KMT5A: variants seen among roughly 807,000 people sequenced by gnomAD.
KMT5A encodes N-lysine methyltransferase KMT5A.
A neutral mutation model predicts 40.6 loss-of-function variants in KMT5A; 6 were observed. The observed-to-expected ratio is 0.15, with a 90% CI of 0.08 to 0.29. The LOEUF is 0.29. KMT5A is among the 10% of genes least tolerant of loss of function. The pLI is 1.00. For synonymous variants in KMT5A, 153 were observed against 178.8 expected (o/e 0.86, Z 1.15); for missense variants, 308 against 459.1 (o/e 0.67, Z 3.01).
intron 1 of KMT5A, among the ~76,000 whole-genome samples, chr12:123,385,907 C>T (rs1876846962): frequency 6.6e-6 from 1 of 152,102 alleles, no homozygotes; most frequent in Non-Finnish European, 1.5e-5. Context: ...GAGGGCCAGG[C>T]ACTTTATTAA....
intron 5 of KMT5A, among the ~76,000 whole-genome samples, chr12:123,396,735 G>A (rs1877757346): frequency 6.6e-6 from 1 of 152,192 alleles, no homozygotes; most frequent in Admixed American, 6.5e-5. Context: ...AGGACTTGTT[G>A]GCAGAGCCAT....
chr12:123,401,421 A>T (rs28862317), intron 5 of KMT5A, among the ~76,000 whole-genome samples: 144,406 of 151,646 alleles, frequency 0.95, 68,902 homozygotes, highest in Non-Finnish European at 0.96. Flanking sequence ...GTGCTGGGAT[A>T]ACAGGTGTAT....
At position 123,408,760 on chromosome 12, in the gene KMT5A, GTCC is replaced by G. The variant is rs1330117683; in HGVS notation, c.*1062_*1064del. The G allele has an allele frequency of 2.0e-5, 3 of 152,496 alleles. No individual in the cohort carries two copies. The highest frequency in any genetic ancestry group is 7.2e-5 in the African/African-American group (3 of 41,424). 9.4% of individuals were successfully genotyped at this position (152,496 alleles called of 1,614,324 possible). ...GCCTTGTGTTTGTCAGACACCCAGT[GTCC>G]TCCTGCAAGGACGCAACTGTGAGCT... is the stretch of plus-strand genomic sequence containing the variant. On this transcript the variant is annotated 3_prime_UTR_variant, in exon 8 of 8. Transcript: ENST00000402868.
rs984789835 is a variant in KMT5A, at chr12:123,409,014, C to T, written c.*1311C>T. On this transcript the variant is annotated 3_prime_UTR_variant, in exon 8 of 8. Coordinates refer to ENST00000402868, the MANE Select transcript of KMT5A (RefSeq NM_020382.7). ...ACACTGTCCCTTCAGTCCAGGGGGC[C>T]GGGGCTCAGGAGCCATGACCTGGTG... 7.9e-5 allele frequency: 12 copies of T among 152,622 alleles called. No individual in the cohort carries two copies. The highest frequency in any genetic ancestry group is 2.9e-4 in the African/African-American group (12 of 41,442). The allele number at this position is 152,622 out of a possible 1,614,324, so 9.5% of individuals were successfully genotyped here. A position where few individuals can be genotyped will look rare whatever the true frequency, so the allele number is the denominator to read the frequency against.
chr12:123,389,230 C>G, intron 1 of KMT5A: 2 of 137,922 alleles, frequency 1.5e-5, no homozygotes, highest in Non-Finnish European at 3.1e-5. Flanking sequence ...GCGCGCGGGG[C>G]CTGGCCGGGC....
chr12:123,408,890 C>G lies in KMT5A; in HGVS notation c.*1187C>G, dbSNP rs546229713. The G allele has an allele frequency of 3.9e-5, 6 of 152,666 alleles. No individual in the cohort carries two copies. The East Asian group carries it at 1.2e-3, about 29-fold the overall frequency. 9.5% of individuals were successfully genotyped at this position (152,666 alleles called of 1,614,324 possible). A position where few individuals can be genotyped will look rare whatever the true frequency, so the allele number is the denominator to read the frequency against. ...GGGGAGCACACAGGGCCCGGCAGCC[C>G]CCAGGAATCAAGGATAGGGCTAAGG... On this transcript the variant is annotated 3_prime_UTR_variant, in exon 8 of 8. Coordinates refer to ENST00000402868, the MANE Select transcript of KMT5A (RefSeq NM_020382.7).
rs1448224696 is a variant in KMT5A, at chr12:123,408,866, G to C, written c.*1163G>C. On this transcript the variant is annotated 3_prime_UTR_variant, in exon 8 of 8. Coordinates refer to ENST00000402868, the MANE Select transcript of KMT5A (RefSeq NM_020382.7). Reference sequence around the variant, plus strand: ...CTCAGAAAGGCACCCAGGTGTGCAGGGGAGCACACAGGGCCCGGCAGCCCC... The same window carrying C: ...CTCAGAAAGGCACCCAGGTGTGCAGCGGAGCACACAGGGCCCGGCAGCCCC... The C allele has an allele frequency of 1.3e-5, 2 of 152,692 alleles. No homozygotes were observed. Among genetic ancestry groups the C allele is most frequent in the Admixed American group, 6.5e-5 (1 of 15,270 alleles). The allele number at this position is 152,692 out of a possible 1,614,324, so 9.5% of individuals were successfully genotyped here.
chr12:123,405,513 CT>C (rs57606754), intron 7 of KMT5A, among the ~76,000 whole-genome samples: 72,560 of 120,476 alleles, frequency 0.6, 23,362 homozygotes, highest in East Asian at 0.7. Flanking sequence ...TTATCGCCTG[CT>C]TCCTTTTTTT....
At chr12:123,389,627 G>T in intron 2 of KMT5A, 73 bp downstream of exon 2, 1 of 1,020,982 alleles carries the variant, frequency 9.8e-7, no homozygotes, top group Non-Finnish European at 1.2e-6. Context: ...GGGCGACCCC[G>T]GGTACCCGCC....
chr12:123,389,355 G>A, intron 1 of KMT5A, 78 bp from the exon 2 acceptor site: 2 of 933,230 alleles, frequency 2.1e-6, no homozygotes, highest in Non-Finnish European at 2.6e-6. Context: ...CGCGGCGCCC[G>A]GCCCGGGCGG....
chr12:123,390,772 A>G lies in KMT5A; in HGVS notation c.275A>G (p.Tyr92Cys). The G allele has an allele frequency of 6.2e-7, 1 of 1,613,958 alleles. No homozygotes were observed. Among genetic ancestry groups the G allele is most frequent in the Non-Finnish European group, 8.5e-7 (1 of 1,179,828 alleles). ...CAGGGGAAACCATTAGCCGGAATCT[A>G]CAGGAAACGAGAAGGTAAGCTTTTG... ...KCQGKPLAGI[Y>C]RKREEKRNAG... is the part of the protein sequence containing the mutation. The change falls in exon 3 of 8, where the codon TAC (tyrosine) becomes TGC (cysteine). Residue 92 changes from tyrosine to cysteine, a missense_variant. Tyr to Cys is a radical substitution (Grantham distance 194). This residue lies in a region of KMT5A where 127 missense variants were observed against 129.8 expected (regional missense o/e 0.98). Transcript: ENST00000402868.
chr12:123,397,045 A>G lies in KMT5A; in HGVS notation c.597+613A>G, dbSNP rs115203345. On this transcript the variant is annotated intron_variant, in intron 5 of 7. Coordinates refer to ENST00000402868, the MANE Select transcript of KMT5A (RefSeq NM_020382.7). ...CAGTAAGTGCCAGCTAACTGTTACTATCGCCACCTCTGCTTCCTCAGTGTT... is the reference window on the plus strand; with the variant it reads ...CAGTAAGTGCCAGCTAACTGTTACTGTCGCCACCTCTGCTTCCTCAGTGTT... Among the ~76,000 whole-genome samples the G allele has an allele frequency of 4.8e-3, 729 of 152,356 alleles. 8 individuals carry two copies. The highest frequency in any genetic ancestry group is 0.02 in the Middle Eastern group (6 of 294).
chr12:123,396,387 C>A lies in KMT5A; in HGVS notation c.552C>A (p.Phe184Leu), dbSNP rs1253717974. The A allele has an allele frequency of 3.1e-6, 5 of 1,613,916 alleles. No individual in the cohort carries two copies. Among genetic ancestry groups the A allele is most frequent in the Non-Finnish European group, 4.2e-6 (5 of 1,180,032 alleles). ...KTQQNRKLTD[F>L]YPVRRSSRKS... Reference sequence around the variant, plus strand: ...AACAGAATCGCAAACTTACGGATTTCTACCCTGTCCGAAGGAGCTCCAGGA... The same window carrying A: ...AACAGAATCGCAAACTTACGGATTTATACCCTGTCCGAAGGAGCTCCAGGA... The change falls in exon 5 of 8, where the codon TTC becomes TTA. Residue 184 changes from phenylalanine to leucine, a missense_variant. Transcript: ENST00000402868.
At chr12:123,392,669 T>C (rs997712420) in intron 3 of KMT5A, among the ~76,000 whole-genome samples, 1 of 151,922 alleles carries the variant, frequency 6.6e-6, no homozygotes, top group African/African-American at 2.4e-5. Flanking sequence ...ATCTCTAATA[T>C]AAAAATAAAA....
chr12:123,390,661 A>T lies in KMT5A; in HGVS notation c.164A>T (p.Tyr55Phe), dbSNP rs1337602151. The T allele has an allele frequency of 1.2e-5, 20 of 1,613,798 alleles. No homozygotes were observed. The highest frequency in any genetic ancestry group is 1.6e-5 in the Non-Finnish European group (19 of 1,179,850). Residue 55 changes from tyrosine to phenylalanine, a missense_variant, in exon 3 of 8, where the codon TAT (tyrosine) becomes TTT (phenylalanine). Physicochemically the swap from Tyr to Phe is conservative, Grantham distance 22. This residue lies in a region of KMT5A where 92 missense variants were observed against 78.3 expected (regional missense o/e 1.18). Coordinates refer to ENST00000402868, the MANE Select transcript of KMT5A (RefSeq NM_020382.7). ...ENVFTGQSKI[Y>F]SYMSPNKCSG... Reference sequence around the variant, plus strand: ...GTATTTACCGGGCAGTCAAAGATCTATTCCTACATGAGCCCGAACAAATGC... The same window carrying T: ...GTATTTACCGGGCAGTCAAAGATCTTTTCCTACATGAGCCCGAACAAATGC...
In KMT5A at chr12:123,384,328, G is replaced by A; in HGVS notation, c.10+120G>A. On this transcript the variant is annotated intron_variant, in intron 1 of 7. Transcript: ENST00000402868. This position sits in a 1 kb window ranked among gnomAD's most constrained non-coding sequence, Gnocchi z 5.7. ...TCCTCGGGTGGCTCGGGGCAAGCTT[G>A]GGGACCCGCGTGGGGGGAGAGGGGG... 1 of 1,398,326 alleles carries A rather than the reference G, an allele frequency of 7.2e-7. No homozygotes were observed. Among genetic ancestry groups the A allele is most frequent in the Non-Finnish European group, 9.8e-7 (1 of 1,022,338 alleles). The allele number at this position is 1,398,326 out of a possible 1,614,324, so 86.6% of individuals were successfully genotyped here. A position where few individuals can be genotyped will look rare whatever the true frequency, so the allele number is the denominator to read the frequency against.
intron 7 of KMT5A, among the ~76,000 whole-genome samples, chr12:123,407,261 C>T (rs545283602): frequency 6.6e-6 from 1 of 151,976 alleles, no homozygotes; most frequent in East Asian, 1.9e-4. Flanking sequence ...ATGACTTGAG[C>T]CCGGGAGGTG....
chr12:123,395,501 A>G (rs1877648993), intron 4 of KMT5A, among the ~76,000 whole-genome samples: 1 of 146,486 alleles, frequency 6.8e-6, no homozygotes, highest in Non-Finnish European at 1.5e-5. Flanking sequence ...CCACCCCAGC[A>G]TAAGCAGCCT....
Position 123,396,381 on chromosome 12 carries a change from G to T in KMT5A, c.546G>T (p.Thr182=). ...QGKTQQNRKL[T]DFYPVRRSSR... is the part of the protein sequence containing the mutation. The stretch of plus-strand genomic sequence containing the variant: ...AAACGCAACAGAATCGCAAACTTAC[G>T]GATTTCTACCCTGTCCGAAGGAGCT... Residue 182 remains threonine (T), a synonymous_variant, in exon 5 of 8, where the codon ACG becomes ACT. Transcript: ENST00000402868. The T allele has an allele frequency of 3.7e-6, 6 of 1,613,922 alleles. No individual in the cohort carries two copies. Among genetic ancestry groups the T allele is most frequent in the Non-Finnish European group, 5.1e-6 (6 of 1,180,010 alleles).
Sources: allele counts gnomAD v4.1 joint callset (sites outside exome capture counted in the v4.1 genomes callset), GRCh38; gene constraint gnomAD v4.1.1; regional missense constraint gnomAD v4.1.1; non-coding constraint Gnocchi (gnomAD v3.1); transcripts MANE v1.5; gene names NCBI Gene and HGNC (gene_info 2026-07-23, HGNC 2026-07-21).